The following UBXN2A variants were observed in gnomAD, a reference collection of about 807,000 sequenced individuals.
The protein encoded by UBXN2A is UBX domain-containing protein 2A.
In UBXN2A, 28 loss-of-function variants were observed where a neutral mutation model predicts 28.4. The ratio of observed to expected loss-of-function variants is 0.99; its 90% CI spans 0.73 to 1.35. UBXN2A has a LOEUF of 1.35. UBXN2A is among the 40% of genes most tolerant of loss of function. The pLI, the probability that UBXN2A is intolerant of heterozygous loss-of-function variation, is 0.00. For missense variants in UBXN2A, 253 were observed against 297.9 expected, an observed-to-expected ratio of 0.85 and a Z score of 1.11; for synonymous variants, 97 against 103.6, an observed-to-expected ratio of 0.94 and a Z score of 0.39.
At chr2:23,962,243 T>A (rs1213900080) in intron 2 of UBXN2A, among the ~76,000 whole-genome samples, 2 of 152,190 alleles carry the variant, frequency 1.3e-5, no homozygotes, top group African/African-American at 4.8e-5. Context: ...CAGATGCAAA[T>A]CTTTCACCCA....
At chr2:23,948,668 A>C (rs1285274989) in intron 1 of UBXN2A, among the ~76,000 whole-genome samples, 2 of 152,188 alleles carry the variant, frequency 1.3e-5, no homozygotes, top group Admixed American at 1.3e-4. Flanking sequence ...AATTATGTCC[A>C]TGCTATAAGT....
At chr2:23,976,609 T>A (rs1707673772) in intron 3 of UBXN2A, among the ~76,000 whole-genome samples, 2 of 152,194 alleles carry the variant, frequency 1.3e-5, no homozygotes, top group African/African-American at 4.8e-5. Flanking sequence ...ACTTATTCAC[T>A]ATCACAAGAA....
At chr2:23,953,987 G>T (rs1187797474) in intron 1 of UBXN2A, among the ~76,000 whole-genome samples, 4 of 152,148 alleles carry the variant, frequency 2.6e-5, no homozygotes, top group African/African-American at 9.7e-5. Context: ...TGCATTAGCA[G>T]TTGCAAATTG....
rs970459625 is a variant in UBXN2A, at chr2:23,999,855, T to C, written c.768T>C (p.Leu256=). 1 of 1,611,166 alleles carries C rather than the reference T, an allele frequency of 6.2e-7. No homozygotes were observed. The highest frequency in any genetic ancestry group is 8.5e-7 in the Non-Finnish European group (1 of 1,178,916). ...RLQKTASFRE[L]SEH ...AAAAAACTGCATCTTTTAGAGAACT[T>C]TCAGAGCACTGATTTTTGATAGACT... is the stretch of plus-strand genomic sequence containing the variant. Residue 256 remains leucine, a synonymous_variant, in exon 7 of 7, where the codon CTT becomes CTC. Coordinates refer to ENST00000309033, the MANE Select transcript of UBXN2A (RefSeq NM_181713.4).
At chr2:23,990,134 C>G (rs1464332184) in intron 6 of UBXN2A, among the ~76,000 whole-genome samples, 10 of 151,830 alleles carry the variant, frequency 6.6e-5, no homozygotes, top group African/African-American at 2.4e-4. Context: ...ATTCCCTCCT[C>G]TTCCTGCTAG....
At chr2:23,968,172 G>GC (rs1707252328) in intron 2 of UBXN2A, among the ~76,000 whole-genome samples, 2 of 152,148 alleles carry the variant, frequency 1.3e-5, no homozygotes, top group Non-Finnish European at 2.9e-5. Flanking sequence ...TCAGTTCCTA[G>GC]CACTGCCTCC....
intron 1 of UBXN2A, among the ~76,000 whole-genome samples, chr2:23,956,971 T>C (rs1407274362): frequency 6.6e-6 from 1 of 152,194 alleles, no homozygotes; most frequent in Non-Finnish European, 1.5e-5. Context: ...TAAAATAGCA[T>C]ACTATTTGCA....
chr2:23,963,853 G>C (rs1224336586), intron 2 of UBXN2A, among the ~76,000 whole-genome samples: 1 of 152,196 alleles, frequency 6.6e-6, no homozygotes, highest in African/African-American at 2.4e-5. Flanking sequence ...AAGAGACTGG[G>C]TGCCGTGGCT....
chr2:23,944,250 A>G lies in UBXN2A; in HGVS notation c.-15+3602A>G, dbSNP rs370476776. The G allele has an allele frequency of 5.9e-4, 953 of 1,603,416 alleles. 5 individuals are homozygous for G. Among genetic ancestry groups the G allele is most frequent in the African/African-American group, 4.6e-3 (345 of 74,792 alleles). ...TACCTGGAATGGGATCCAACACTTG[A>G]TGTGGGACCTAGGAAAAGGCCTGAA... On this transcript the variant is annotated intron_variant, in intron 1 of 6. Transcript: ENST00000309033.
chr2:23,982,322 G>A (rs1573593172), intron 4 of UBXN2A, among the ~76,000 whole-genome samples: 1 of 151,638 alleles, frequency 6.6e-6, no homozygotes, highest in Non-Finnish European at 1.5e-5. Context: ...GGCCGAGATC[G>A]TGCCACTGCA....
In UBXN2A at chr2:23,999,679, C is replaced by A; in HGVS notation, c.592C>A (p.His198Asn). 6.2e-7 allele frequency: 1 copy of A among 1,612,730 alleles called. No individual in the cohort carries two copies. Among genetic ancestry groups the A allele is most frequent in the Non-Finnish European group, 8.5e-7 (1 of 1,179,722 alleles). The change falls in exon 7 of 7, where the codon CAT becomes AAT. Residue 198 changes from histidine to asparagine, a missense_variant. His to Asn is a moderately conservative substitution (Grantham distance 68). Transcript: ENST00000309033. ...GTTTTTGCTGTTTTACAGAGTAAGC[C>A]ATATCAAAGACTTCATTGAAAAATA... is the stretch of plus-strand genomic sequence containing the variant. ...QKFNITHRVSHIKDFIEKYQG... is the reference protein window; with the variant it reads ...QKFNITHRVSNIKDFIEKYQG...
chr2:23,930,444 A>G (rs1422988692), intron 1 of UBXN2A, among the ~76,000 whole-genome samples: 2 of 152,368 alleles, frequency 1.3e-5, no homozygotes, highest in Non-Finnish European at 2.9e-5. Flanking sequence ...TACAATGTGA[A>G]AAGAAAGAAT....
upstream of UBXN2A, among the ~76,000 whole-genome samples, chr2:23,935,760 A>C (rs1457073030): frequency 2.0e-5 from 3 of 152,302 alleles, no homozygotes; most frequent in African/African-American, 7.2e-5. Flanking sequence ...ACTCAAAAAA[A>C]TTGAAAACGC....
chr2:23,930,294 A>G (rs184627299), intron 1 of UBXN2A, among the ~76,000 whole-genome samples: 31 of 152,342 alleles, frequency 2.0e-4, no homozygotes, highest in African/African-American at 7.0e-4. Flanking sequence ...AAGTAAATAA[A>G]TAAATCCAAC....
At chr2:23,972,297 C>T (rs909810240) in intron 3 of UBXN2A, among the ~76,000 whole-genome samples, 14 of 152,088 alleles carry the variant, frequency 9.2e-5, no homozygotes, top group African/African-American at 3.4e-4. Flanking sequence ...AACATGTTTT[C>T]AGTGCTGACA....
intron 2 of UBXN2A, among the ~76,000 whole-genome samples, chr2:23,960,265 C>CA (rs1198452324): frequency 1.3e-5 from 2 of 151,128 alleles, no homozygotes; most frequent in East Asian, 3.9e-4. Context: ...CAAAAAAAAA[C>CA]AAAAAAACAG....
chr2:23,975,551 C>T (rs1707620722), intron 3 of UBXN2A, among the ~76,000 whole-genome samples: 1 of 152,252 alleles, frequency 6.6e-6, no homozygotes, highest in Non-Finnish European at 1.5e-5. Context: ...TAAATTAAAA[C>T]TTAATCTATT....
chr2:23,946,245 C>T (rs770255696), intron 1 of UBXN2A, among the ~76,000 whole-genome samples: 8 of 152,086 alleles, frequency 5.3e-5, no homozygotes, highest in Non-Finnish European at 1.0e-4. Flanking sequence ...CCTTTGCTTC[C>T]GGGTTCAAGC....
chr2:23,993,281 TGTTTATCTAG>T (rs1708417448), intron 6 of UBXN2A, among the ~76,000 whole-genome samples: 1 of 152,216 alleles, frequency 6.6e-6, no homozygotes. Flanking sequence ...AATCTTGACT[TGTTTATCTAG>T]GTGAATAACA....
Sources: allele counts gnomAD v4.1 joint callset (sites outside exome capture counted in the v4.1 genomes callset), GRCh38; gene constraint gnomAD v4.1.1; transcripts MANE v1.5; gene names NCBI Gene and HGNC (gene_info 2026-07-23, HGNC 2026-07-21).